Variants in ROR1 observed in about 807,000 individuals in gnomAD.
The protein encoded by ROR1 is ROR family WNT receptor 1, also known as inactive tyrosine-protein kinase transmembrane receptor ROR1.
A neutral mutation model predicts 78.8 loss-of-function variants in ROR1; 19 were observed. That is an observed-to-expected ratio of 0.24 (90% CI 0.17 to 0.35). The LOEUF (loss-of-function observed/expected upper bound fraction) is 0.35. ROR1 is among the 10% of genes least tolerant of loss of function. ROR1 has a pLI of 1.00. For synonymous variants in ROR1, 386 were observed against 433.6 expected (o/e 0.89, Z 1.36); for missense variants, 917 against 1,177.8 (o/e 0.78, Z 3.24).
chr1:64,046,736 C>A (rs897031612), intron 2 of ROR1, among the ~76,000 whole-genome samples: 1 of 152,206 alleles, frequency 6.6e-6, no homozygotes, highest in Non-Finnish European at 1.5e-5. Flanking sequence ...GGTACCAAAT[C>A]TCAGCCCTCA....
At chr1:63,810,592 G>A (rs1266699098) in intron 1 of ROR1, among the ~76,000 whole-genome samples, 4 of 152,208 alleles carry the variant, frequency 2.6e-5, no homozygotes, top group Non-Finnish European at 4.4e-5. Context: ...GAGGACATTA[G>A]AGAAGCCTTC....
At chr1:64,159,629 T>C (rs1649880903) in intron 8 of ROR1, among the ~76,000 whole-genome samples, 1 of 152,186 alleles carries the variant, frequency 6.6e-6, no homozygotes, top group African/African-American at 2.4e-5. Context: ...AAAACCACTG[T>C]ACTATATACT....
At chr1:64,115,005 A>G (rs531347400) in intron 4 of ROR1, among the ~76,000 whole-genome samples, 15 of 152,272 alleles carry the variant, frequency 9.9e-5, no homozygotes, top group Admixed American at 2.6e-4. Context: ...TCACTCTGTC[A>G]CCAGGCTGGA....
chr1:64,056,537 G>A (rs1646876084), intron 4 of ROR1, among the ~76,000 whole-genome samples: 2 of 151,830 alleles, frequency 1.3e-5, no homozygotes, highest in South Asian at 4.2e-4. Context: ...TTAGCCAGGT[G>A]TGGTGGCGAG....
chr1:63,934,577 T>C (rs1645779295), intron 1 of ROR1, among the ~76,000 whole-genome samples: 1 of 152,204 alleles, frequency 6.6e-6, no homozygotes. Context: ...ATAAAACTGT[T>C]TACCAAATTC....
chr1:63,965,334 A>G (rs1646065123), intron 1 of ROR1, among the ~76,000 whole-genome samples: 1 of 152,110 alleles, frequency 6.6e-6, no homozygotes, highest in African/African-American at 2.4e-5. Context: ...GAGTGAGACC[A>G]CCTTGCTTCT....
chr1:63,852,280 T>C (rs1202543126), intron 1 of ROR1, among the ~76,000 whole-genome samples: 1 of 152,238 alleles, frequency 6.6e-6, no homozygotes, highest in Non-Finnish European at 1.5e-5. Flanking sequence ...GGGGCATACA[T>C]GTATGTGTAC....
chr1:63,784,396 A>G (rs1260310457), intron 1 of ROR1, among the ~76,000 whole-genome samples: 2 of 152,176 alleles, frequency 1.3e-5, no homozygotes, highest in East Asian at 3.9e-4. Flanking sequence ...TATTTTCACT[A>G]CTGTTTCACC....
chr1:64,005,804 T>C (rs1461245162), intron 1 of ROR1, among the ~76,000 whole-genome samples: 2 of 152,362 alleles, frequency 1.3e-5, no homozygotes, highest in East Asian at 3.9e-4. Flanking sequence ...AAGATATTAT[T>C]TTTCAGGGAA....
At chr1:64,031,381 G>A (rs976487940) in intron 2 of ROR1, among the ~76,000 whole-genome samples, 15 of 152,214 alleles carry the variant, frequency 9.9e-5, no homozygotes, top group African/African-American at 3.6e-4. Context: ...TACATTCCAT[G>A]CTGAAGGTGG....
chr1:64,063,031 G>C (rs945232422), intron 4 of ROR1, among the ~76,000 whole-genome samples: 4 of 152,074 alleles, frequency 2.6e-5, no homozygotes, highest in Non-Finnish European at 4.4e-5. Flanking sequence ...CATGACACAG[G>C]GGGTTTCTTA....
chr1:63,792,452 G>A (rs1286537735), intron 1 of ROR1, among the ~76,000 whole-genome samples: 1 of 152,128 alleles, frequency 6.6e-6, no homozygotes, highest in Non-Finnish European at 1.5e-5. Context: ...CATTTACATG[G>A]GGAGTGTATA....
intron 4 of ROR1, among the ~76,000 whole-genome samples, chr1:64,067,950 G>C (rs61765380): frequency 0.14 from 21,389 of 152,032 alleles, 1,602 homozygotes; most frequent in Middle Eastern, 0.19. Context: ...CTGACCTCGT[G>C]ACCTGCCCAC....
chr1:64,181,160 A>G lies in ROR1; in HGVS notation c.*2305A>G, dbSNP rs1012043902. On this transcript the variant is annotated 3_prime_UTR_variant, in exon 9 of 9. Transcript: ENST00000371079. The stretch of plus-strand genomic sequence containing the variant: ...CAAAACTATGCTTATGGTTTGTGTC[A>G]CAGAAGTGAAAATATATCTTTGCAT... 4.6e-5 allele frequency: 7 copies of G among 152,044 alleles called. No homozygotes were observed. Among genetic ancestry groups the G allele is most frequent in the Non-Finnish European group, 4.4e-5 (3 of 67,950 alleles). The allele number at this position is 152,044 out of a possible 1,614,324, so 9.4% of individuals were successfully genotyped here.
At chr1:64,020,224 AAGAG>A (rs1413083743) in intron 2 of ROR1, among the ~76,000 whole-genome samples, 1 of 152,222 alleles carries the variant, frequency 6.6e-6, no homozygotes, top group East Asian at 1.9e-4. Flanking sequence ...TCAGGAAACT[AAGAG>A]AGATTTAAGC....
At chr1:63,833,730 C>T (rs1645003033) in intron 1 of ROR1, among the ~76,000 whole-genome samples, 1 of 151,938 alleles carries the variant, frequency 6.6e-6, no homozygotes, top group Middle Eastern at 3.4e-3. Flanking sequence ...AAATTTCAGA[C>T]AGAAACAACC....
chr1:64,143,423 TA>T, intron 7 of ROR1: 2 of 977,706 alleles, frequency 2.0e-6, no homozygotes, highest in Non-Finnish European at 2.4e-6. Flanking sequence ...ATTTTGGAAC[TA>T]ATTCATCTTC....
intron 1 of ROR1, among the ~76,000 whole-genome samples, chr1:63,904,731 C>T (rs529790279): frequency 6.6e-6 from 1 of 152,268 alleles, no homozygotes; most frequent in African/African-American, 2.4e-5. Context: ...GATTAGGAAA[C>T]TCATCCCTAC....
rs1180965614 is a variant in ROR1, at chr1:63,928,750, A to G, written c.92-80555A>G. Among the ~76,000 whole-genome samples the G allele has an allele frequency of 3.3e-5, 5 of 152,164 alleles. No individual in the cohort carries two copies. In the East Asian group the frequency reaches 9.6e-4, roughly 29 times the overall value. ...ATAAGGATGTTAATGGCATCTACCT[A>G]CTAGAATTGTTTCAAGGAATAAATG... On this transcript the variant is annotated intron_variant, in intron 1 of 8. Coordinates refer to ENST00000371079, the MANE Select transcript of ROR1 (RefSeq NM_005012.4).
Sources: gnomAD v4.1 joint callset for allele counts (sites outside exome capture counted in the v4.1 genomes callset) on GRCh38, gnomAD v4.1.1 for gene constraint, MANE v1.5 for transcripts, NCBI Gene and HGNC (gene_info 2026-07-23, HGNC 2026-07-21) for gene names.